Variants in PTPN4 observed in about 807,000 individuals in gnomAD.
The protein encoded by PTPN4 is protein tyrosine phosphatase non-receptor type 4.
A neutral mutation model predicts 135.5 loss-of-function variants in PTPN4; 49 were observed. The ratio of observed to expected loss-of-function variants is 0.36; its 90% CI spans 0.29 to 0.46. The LOEUF (loss-of-function observed/expected upper bound fraction) is 0.46, where lower values mean the gene tolerates loss of function less well. PTPN4 is among the 20% of genes least tolerant of loss of function. The pLI, the probability that PTPN4 is intolerant of heterozygous loss-of-function variation, is 1.00. For missense variants in PTPN4, 860 were observed against 1,101.0 expected (o/e 0.78, Z 3.10); for synonymous variants, 333 against 369.9 (o/e 0.90, Z 1.14).
intron 1 of PTPN4, among the ~76,000 whole-genome samples, chr2:119,763,325 G>A (rs565192800): frequency 1.3e-5 from 2 of 152,206 alleles, no homozygotes; most frequent in Middle Eastern, 3.4e-3. Flanking sequence ...AATTTGGGTT[G>A]GTTATTGTGT....
intron 1 of PTPN4, among the ~76,000 whole-genome samples, chr2:119,808,732 T>C (rs1341434104): frequency 6.6e-6 from 1 of 152,170 alleles, no homozygotes; most frequent in African/African-American, 2.4e-5. Flanking sequence ...CACTGTCTTT[T>C]AATTGTGGAA....
chr2:119,784,882 G>A (rs552466668), intron 1 of PTPN4, among the ~76,000 whole-genome samples: 2 of 151,944 alleles, frequency 1.3e-5, no homozygotes, highest in African/African-American at 4.8e-5. Flanking sequence ...ATTAAAAGCA[G>A]CATAAGTCAA....
intron 1 of PTPN4, among the ~76,000 whole-genome samples, chr2:119,766,451 T>TGC (rs1558718888): frequency 8.7e-6 from 1 of 114,944 alleles, no homozygotes; most frequent in South Asian, 3.2e-4. Flanking sequence ...TGTGCGCGCG[T>TGC]GTGTGTGTGT....
At chr2:119,921,156 G>A (rs971656838) in intron 12 of PTPN4, among the ~76,000 whole-genome samples, 7 of 151,906 alleles carry the variant, frequency 4.6e-5, no homozygotes, top group Non-Finnish European at 8.8e-5. Context: ...CTGTGGTGGT[G>A]GGCGCTTGTA....
At chr2:119,899,304 T>G (rs1415726594) in intron 9 of PTPN4, among the ~76,000 whole-genome samples, 1 of 152,176 alleles carries the variant, frequency 6.6e-6, no homozygotes, top group Non-Finnish European at 1.5e-5. Context: ...CCTACCTGAT[T>G]ATCCTGACAG....
At chr2:119,878,567 G>A (rs2104999177) in intron 5 of PTPN4, among the ~76,000 whole-genome samples, 1 of 152,232 alleles carries the variant, frequency 6.6e-6, no homozygotes, top group Non-Finnish European at 1.5e-5. Flanking sequence ...TTAATTAGCT[G>A]CAGCTGCCAG....
At chr2:119,888,438 A>G (rs1678191648) in intron 9 of PTPN4, among the ~76,000 whole-genome samples, 1 of 152,130 alleles carries the variant, frequency 6.6e-6, no homozygotes, top group South Asian at 2.1e-4. Flanking sequence ...CTTAGGGGGA[A>G]CAATTTCAAC....
At chr2:119,765,120 TGTG>T (rs1339045328) in intron 1 of PTPN4, among the ~76,000 whole-genome samples, 1 of 152,170 alleles carries the variant, frequency 6.6e-6, no homozygotes, top group African/African-American at 2.4e-5. Context: ...GGTCTTGAAT[TGTG>T]GGGATTAAGA....
At chr2:119,766,185 A>G (rs1198040693) in intron 1 of PTPN4, among the ~76,000 whole-genome samples, 1 of 152,290 alleles carries the variant, frequency 6.6e-6, no homozygotes. Flanking sequence ...GCTTATCCCA[A>G]CGTGCTAAGA....
intron 26 of PTPN4, 61 bp downstream of exon 26, chr2:119,968,033 G>A: frequency 8.2e-7 from 1 of 1,221,760 alleles, no homozygotes; most frequent in East Asian, 2.7e-5. Flanking sequence ...TGTTGCCAAT[G>A]CATATTCTAA....
At chr2:119,963,284 G>A (rs1679395783) in intron 24 of PTPN4, among the ~76,000 whole-genome samples, 1 of 152,086 alleles carries the variant, frequency 6.6e-6, no homozygotes, top group Admixed American at 6.6e-5. Flanking sequence ...CAGTCCTCTT[G>A]GCTTCAAATG....
chr2:119,777,197 T>C lies in PTPN4; in HGVS notation c.-18+16813T>C, dbSNP rs572229623. Among the ~76,000 whole-genome samples the C allele has an allele frequency of 6.6e-5, 10 of 152,324 alleles. No homozygotes were observed. In the East Asian group the frequency reaches 1.7e-3, roughly 26 times the overall value. On this transcript the variant is annotated intron_variant, in intron 1 of 26. Coordinates refer to ENST00000263708, the MANE Select transcript of PTPN4 (RefSeq NM_002830.4). ...GACTTGTTCCTACTTCAGGTCTTCA[T>C]GTTTGTTCTTCCTTCTGCCTTGAAC...
Position 119,958,206 on chromosome 2 carries a change from G to A in PTPN4, c.2133+1129G>A, listed in dbSNP as rs562096367. 1.9e-4 allele frequency among the ~76,000 whole-genome samples: 29 copies of A among 151,888 alleles called. 1 individual carries two copies. Among genetic ancestry groups the A allele is most frequent in the African/African-American group, 5.8e-4 (24 of 41,482 alleles). ...TATAAAAATTAGCAGTCATGGTGGT[G>A]CATGCCTGTTGTCCCAGCTACTCAG... On this transcript the variant is annotated intron_variant, in intron 22 of 26. Coordinates refer to ENST00000263708, the MANE Select transcript of PTPN4 (RefSeq NM_002830.4).
At chr2:119,782,764 G>C (rs1690966082) in intron 1 of PTPN4, among the ~76,000 whole-genome samples, 1 of 129,354 alleles carries the variant, frequency 7.7e-6, no homozygotes, top group Non-Finnish European at 1.5e-5. Flanking sequence ...GGAGATCAGT[G>C]GTATGATGAT....
intron 25 of PTPN4, among the ~76,000 whole-genome samples, chr2:119,966,683 T>C (rs1679450491): frequency 6.6e-6 from 1 of 152,250 alleles, no homozygotes; most frequent in South Asian, 2.1e-4. Flanking sequence ...TCCTTCTTCC[T>C]TGCCTGTGGC....
intron 19 of PTPN4, among the ~76,000 whole-genome samples, chr2:119,953,264 T>G (rs558497120): frequency 6.6e-6 from 1 of 152,216 alleles, no homozygotes; most frequent in African/African-American, 2.4e-5. Context: ...CACTTGAATA[T>G]GTACCATAGG....
At chr2:119,906,646 G>A (rs1678493558) in intron 10 of PTPN4, among the ~76,000 whole-genome samples, 1 of 152,126 alleles carries the variant, frequency 6.6e-6, no homozygotes, top group African/African-American at 2.4e-5. Flanking sequence ...CAACAAATTA[G>A]GTGTAGAAGA....
Position 119,984,337 on chromosome 2 carries a change from G to A in PTPN4, c.*7267G>A, listed in dbSNP as rs571595984. On this transcript the variant is annotated 3_prime_UTR_variant, in exon 27 of 27. Coordinates refer to ENST00000263708, the MANE Select transcript of PTPN4 (RefSeq NM_002830.4). ...CAGGTGCTATTTGTAAATATGAAGG[G>A]GAAAAGTCACTTAGTTAAAAGTCTA... 3.3e-5 allele frequency among the ~76,000 whole-genome samples: 5 copies of A among 151,784 alleles called. No individual in the cohort carries two copies. The highest frequency in any genetic ancestry group is 1.2e-4 in the African/African-American group (5 of 41,404).
chr2:119,851,661 T>C (rs1475996273), intron 2 of PTPN4, among the ~76,000 whole-genome samples: 7 of 152,232 alleles, frequency 4.6e-5, no homozygotes, highest in Non-Finnish European at 8.8e-5. Flanking sequence ...ATTTTGTCTC[T>C]TAATGCACAT....
Sources: allele counts gnomAD v4.1 joint callset (sites outside exome capture counted in the v4.1 genomes callset), GRCh38; gene constraint gnomAD v4.1.1; transcripts MANE v1.5; gene names NCBI Gene and HGNC (gene_info 2026-07-23, HGNC 2026-07-21).